The following NSD1 variants were observed in gnomAD, a reference collection of about 807,000 sequenced individuals.
NSD1 encodes the protein nuclear receptor binding SET domain protein 1, also known as histone-lysine N-methyltransferase, H3 lysine-36 specific.
In NSD1, 26 loss-of-function variants were observed where a neutral mutation model predicts 242.7. The ratio of observed to expected loss-of-function variants is 0.11; its 90% CI spans 0.08 to 0.15. The LOEUF (loss-of-function observed/expected upper bound fraction) is 0.15. NSD1 is among the 10% of genes least tolerant of loss of function. The probability of loss-of-function intolerance (pLI) is 1.00; values close to 1 mark genes in which losing one functional copy is unlikely to be tolerated. For synonymous variants in NSD1, 1,106 were observed against 1,178.1 expected (o/e 0.94, Z 1.25); for missense variants, 2,495 against 3,272.8 (o/e 0.76, Z 5.80).
At chr5:177,225,328 A>G (rs1581372886) in intron 5 of NSD1, among the ~76,000 whole-genome samples, 2 of 152,112 alleles carry the variant, frequency 1.3e-5, no homozygotes, top group African/African-American at 4.8e-5. Flanking sequence ...TTTTTAGTAG[A>G]GACGGGGTTT....
Position 177,246,558 on chromosome 5 carries a change from A to G in NSD1, c.4379-120A>G, listed in dbSNP as rs1012629967. The G allele has an allele frequency of 5.4e-5, 41 of 753,520 alleles. No homozygotes were observed. In the African/African-American group the frequency reaches 6.7e-4, roughly 12 times the overall value. 46.7% of individuals were successfully genotyped at this position (753,520 alleles called of 1,614,324 possible). A position where few individuals can be genotyped will look rare whatever the true frequency, so the allele number is the denominator to read the frequency against. ...CAATTATTATTTCCCCCGTTTTCCT[A>G]ATCCACAAAGCTGGAGAATTAAATG... On this transcript the variant is annotated intron_variant, in intron 9 of 22. Coordinates refer to ENST00000439151, the MANE Select transcript of NSD1 (RefSeq NM_022455.5).
rs1756210868 is a variant in NSD1, at chr5:177,135,201, G to A, written c.98G>A (p.Gly33Asp). The change falls in exon 2 of 23, where the codon GGT (glycine) becomes GAT (aspartate). Residue 33 changes from glycine to aspartate, a missense_variant. Transcript: ENST00000439151. ...DAPEDKDSPF[G>D]NGQSNFSEPL... ...CCTGAAGACAAGGACAGCCCTTTCG[G>A]TAATGGTCAATCCAATTTTTCTGAG... 1.2e-6 allele frequency: 2 copies of A among 1,613,728 alleles called. No individual in the cohort carries two copies. Among genetic ancestry groups the A allele is most frequent in the Non-Finnish European group, 8.5e-7 (1 of 1,179,640 alleles).
At chr5:177,243,333 T>A (rs1179002766) in intron 8 of NSD1, among the ~76,000 whole-genome samples, 1 of 152,088 alleles carries the variant, frequency 6.6e-6, no homozygotes, top group Non-Finnish European at 1.5e-5. Flanking sequence ...TACAGGCATG[T>A]GCCACTGCAC....
Position 177,269,698 on chromosome 5 carries a change from A to T in NSD1, c.5400A>T (p.Gly1800=). ...GAGAGTTCCCAGTCCTCTTTTTTGG[A>T]TCTAATGACTATTTGTGGACTCACC... ...DVGEFPVLFF[G]SNDYLWTHQA... The change falls in exon 16 of 23, where the codon GGA becomes GGT. Residue 1800 remains glycine, a synonymous_variant. Coordinates refer to ENST00000439151, the MANE Select transcript of NSD1 (RefSeq NM_022455.5). The surrounding 1 kb of genome is among the most constrained non-coding windows in gnomAD (Gnocchi z 5.1). 1 of 1,613,916 alleles carries T rather than the reference A, an allele frequency of 6.2e-7. No homozygotes were observed. The highest frequency in any genetic ancestry group is 1.3e-5 in the African/African-American group (1 of 74,958).
At chr5:177,188,747 G>A (rs992027602) in intron 2 of NSD1, among the ~76,000 whole-genome samples, 1 of 151,762 alleles carries the variant, frequency 6.6e-6, no homozygotes, top group Admixed American at 6.6e-5. Context: ...GCCCAGCCTC[G>A]CCTCCTTATG....
intron 14 of NSD1, among the ~76,000 whole-genome samples, chr5:177,260,586 G>T (rs1339159080): frequency 1.3e-5 from 2 of 151,908 alleles, no homozygotes; most frequent in Non-Finnish European, 2.9e-5. Context: ...GCCCTCTAGT[G>T]ATTTGCCCGC....
At chr5:177,138,977 T>G (rs913068306) in intron 2 of NSD1, among the ~76,000 whole-genome samples, 4 of 145,598 alleles carry the variant, frequency 2.7e-5, no homozygotes, top group African/African-American at 1.0e-4. Context: ...AGGGTGGGCA[T>G]GGTGGCTCAC....
intron 2 of NSD1, among the ~76,000 whole-genome samples, chr5:177,152,234 G>A (rs1757770266): frequency 6.6e-6 from 1 of 151,370 alleles, no homozygotes; most frequent in Non-Finnish European, 1.5e-5. Context: ...TTTAATTCTT[G>A]GGTTCAAGTG....
intron 8 of NSD1, 144 bp downstream of exon 8, chr5:177,240,009 T>A (rs1435415583): frequency 3.3e-6 from 2 of 611,776 alleles, no homozygotes; most frequent in Non-Finnish European, 5.9e-6. Flanking sequence ...TGATCTGAGA[T>A]TTCCTACATG....
intron 2 of NSD1, chr5:177,169,416 G>T: frequency 6.4e-6 from 1 of 156,428 alleles, no homozygotes; most frequent in South Asian, 1.8e-4. Flanking sequence ...TGAGCTCTTC[G>T]ACAACTTCTT....
intron 5 of NSD1, among the ~76,000 whole-genome samples, chr5:177,228,884 C>T (rs915133724): frequency 1.3e-5 from 2 of 152,092 alleles, no homozygotes; most frequent in Non-Finnish European, 2.9e-5. Flanking sequence ...AAATCCATTT[C>T]GGAGCATTTC....
chr5:177,176,743 A>G (rs746074388), intron 2 of NSD1, among the ~76,000 whole-genome samples: 1 of 152,194 alleles, frequency 6.6e-6, no homozygotes, highest in Non-Finnish European at 1.5e-5. Context: ...TAAGGGATAC[A>G]TTGTGTTGGA....
chr5:177,258,834 C>A (rs1262217788), intron 13 of NSD1, among the ~76,000 whole-genome samples: 1 of 151,566 alleles, frequency 6.6e-6, no homozygotes, highest in East Asian at 1.9e-4. Flanking sequence ...CTGCACCCAG[C>A]ATGTGTTTTT....
intron 2 of NSD1, among the ~76,000 whole-genome samples, chr5:177,158,282 TTTCTTTCTTTCTTTC>T (rs1562130391): frequency 3.9e-5 from 4 of 102,588 alleles, no homozygotes; most frequent in South Asian, 3.5e-4. Flanking sequence ...TCTTTCTTTC[TTTCTTTCTTTCTTTC>T]TTTCTTTTCT....
chr5:177,232,332 T>C (rs1051590968), intron 5 of NSD1, among the ~76,000 whole-genome samples: 1 of 152,224 alleles, frequency 6.6e-6, no homozygotes, highest in African/African-American at 2.4e-5. Context: ...ATTCCTGATA[T>C]TCTACAAAAT....
intron 2 of NSD1, among the ~76,000 whole-genome samples, chr5:177,143,431 C>T (rs1756982590): frequency 6.6e-6 from 1 of 152,024 alleles, no homozygotes; most frequent in African/African-American, 2.4e-5. Context: ...AAGCAATTCT[C>T]CTGCCTCAGC....
At chr5:177,183,820 C>G (rs1429442342) in intron 2 of NSD1, among the ~76,000 whole-genome samples, 2 of 152,000 alleles carry the variant, frequency 1.3e-5, no homozygotes, top group African/African-American at 4.8e-5. Flanking sequence ...AACCATTTTT[C>G]TGTTGTCTAT....
At chr5:177,139,032 C>T (rs1756585824) in intron 2 of NSD1, among the ~76,000 whole-genome samples, 1 of 150,296 alleles carries the variant, frequency 6.7e-6, no homozygotes, top group African/African-American at 2.4e-5. Context: ...GGTGGATCAC[C>T]TGAGATGAGG....
intron 20 of NSD1, among the ~76,000 whole-genome samples, chr5:177,286,151 C>T (rs972702668): frequency 2.6e-4 from 40 of 152,136 alleles, no homozygotes; most frequent in Admixed American, 7.9e-4. Flanking sequence ...CATGAGCCAC[C>T]GCGCCCGGCC....
Sources: allele counts gnomAD v4.1 joint callset (sites outside exome capture counted in the v4.1 genomes callset), GRCh38; gene constraint gnomAD v4.1.1; non-coding constraint Gnocchi (gnomAD v3.1); transcripts MANE v1.5; gene names NCBI Gene and HGNC (gene_info 2026-07-23, HGNC 2026-07-21).